The following FXYD5 variants were observed in gnomAD, a reference collection of about 807,000 sequenced individuals.
The protein encoded by FXYD5 is FXYD domain-containing ion transport regulator 5.
FXYD5 carries 21 observed loss-of-function variants against 25.7 expected under a neutral mutation model. The ratio of observed to expected loss-of-function variants is 0.82; its 90% CI spans 0.58 to 1.18. FXYD5 has a LOEUF of 1.18. Among genes scored for constraint, FXYD5 ranks in the 50% most tolerant of loss-of-function variants. FXYD5 has a pLI of 0.00. For missense variants in FXYD5, 229 were observed against 227.7 expected, an observed-to-expected ratio of 1.01 and a Z score of -0.04; for synonymous variants, 101 against 90.7, an observed-to-expected ratio of 1.11 and a Z score of -0.64.
chr19:35,155,541 G>A lies in FXYD5; in HGVS notation c.1-10G>A. 1 of 1,608,270 alleles carries A rather than the reference G, an allele frequency of 6.2e-7. No homozygotes were observed. The highest frequency in any genetic ancestry group is 8.5e-7 in the Non-Finnish European group (1 of 1,178,716). Reference sequence around the variant, plus strand: ...ATCATGGCTGACCCCAGCATCGCCTGGTCCCACAGATGTCGCCCTCTGGTC... The same window carrying A: ...ATCATGGCTGACCCCAGCATCGCCTAGTCCCACAGATGTCGCCCTCTGGTC... On this transcript the variant is annotated splice_polypyrimidine_tract_variant and intron_variant, in intron 1 of 8. Coordinates refer to ENST00000392219, the MANE Select transcript of FXYD5 (RefSeq NM_014164.6).
intron 6 of FXYD5, among the ~76,000 whole-genome samples, chr19:35,165,574 T>C (rs1184286375): frequency 7.2e-5 from 11 of 152,124 alleles, no homozygotes; most frequent in Non-Finnish European, 1.5e-4. Context: ...AAGGCCTTTA[T>C]GACCTGTATC....
chr19:35,166,113 C>A, intron 6 of FXYD5, 29 bp from the exon 7 acceptor site: 1 of 1,612,350 alleles, frequency 6.2e-7, no homozygotes, highest in East Asian at 2.2e-5. Context: ...TTTGCTGAAC[C>A]CTGACTTGCT....
rs7253276 is a variant in FXYD5 at position 35,169,445 on chromosome 19, T to A, written c.488-121T>A. The A allele has an allele frequency of 5.1e-3, 3,683 of 728,748 alleles. 88 individuals are homozygous for A. The African/African-American group carries it at 0.054, about 11-fold the overall frequency. 45.1% of individuals were successfully genotyped at this position (728,748 alleles called of 1,614,324 possible). Reference sequence around the variant, plus strand: ...GGTGTGTTTCTCCATCATTTGTTTATGGAGTTGCCTTTGAGTTTCCCGAGG... The same window carrying A: ...GGTGTGTTTCTCCATCATTTGTTTAAGGAGTTGCCTTTGAGTTTCCCGAGG... On this transcript the variant is annotated intron_variant, in intron 8 of 8. Transcript: ENST00000392219.
chr19:35,160,780 A>T lies in FXYD5; in HGVS notation c.271A>T (p.Thr91Ser). ...TGGGCCTCTAGTGACAGATCCAGAG[A>T]CACACAAGAGCACCAAAGCAGGTAT... Reference protein sequence around the residue: ...TDGPLVTDPETHKSTKAAHPT... With the variant: ...TDGPLVTDPESHKSTKAAHPT... Residue 91 changes from threonine to serine, a missense_variant, in exon 5 of 9, where the codon ACA becomes TCA. Coordinates refer to ENST00000392219, the MANE Select transcript of FXYD5 (RefSeq NM_014164.6). 1 of 1,612,444 alleles carries T rather than the reference A, an allele frequency of 6.2e-7. No homozygotes were observed. Among genetic ancestry groups the T allele is most frequent in the Non-Finnish European group, 8.5e-7 (1 of 1,178,466 alleles).
At chr19:35,155,669 C>A in intron 2 of FXYD5, 58 bp downstream of exon 2, 1 of 1,272,426 alleles carries the variant, frequency 7.9e-7, no homozygotes, top group Non-Finnish European at 1.1e-6. Flanking sequence ...GCCAGCCCCA[C>A]GTGTGCTGCG....
At chr19:35,156,005 T>C (rs771183979) in intron 2 of FXYD5, among the ~76,000 whole-genome samples, 13 of 152,052 alleles carry the variant, frequency 8.5e-5, no homozygotes, top group Admixed American at 4.6e-4. Context: ...GTCCAAAGAG[T>C]TGGCAACATC....
intron 5 of FXYD5, among the ~76,000 whole-genome samples, chr19:35,162,986 A>G: frequency 6.6e-6 from 1 of 152,172 alleles, no homozygotes; most frequent in Non-Finnish European, 1.5e-5. Flanking sequence ...GATGCTTGTG[A>G]TCATCCTGTG....
At chr19:35,166,699 C>G in intron 8 of FXYD5, 1 of 329,304 alleles carries the variant, frequency 3.0e-6, no homozygotes, top group Non-Finnish European at 5.5e-6. Context: ...TGGCAGGGAT[C>G]TAAGATAGAG....
At chr19:35,164,703 C>T (rs1416688209) in intron 6 of FXYD5, among the ~76,000 whole-genome samples, 1 of 152,150 alleles carries the variant, frequency 6.6e-6, no homozygotes, top group African/African-American at 2.4e-5. Flanking sequence ...GCCCATGGGT[C>T]ACATAGAGAG....
intron 4 of FXYD5, 139 bp from the exon 5 acceptor site, chr19:35,160,570 T>C (rs1354306741): frequency 3.1e-6 from 2 of 644,110 alleles, no homozygotes; most frequent in Non-Finnish European, 5.7e-6. Flanking sequence ...GGTCTCGAAC[T>C]CCCGACCTAA....
chr19:35,164,047 G>A, intron 5 of FXYD5, 109 bp from the exon 6 acceptor site: 1 of 1,575,126 alleles, frequency 6.3e-7, no homozygotes, highest in Non-Finnish European at 8.6e-7. Flanking sequence ...CACACCAGCT[G>A]TGTAGATGTG....
Position 35,169,703 on chromosome 19 carries a change from C to A in FXYD5, c.*88C>A. 1.2e-6 allele frequency: 1 copy of A among 834,544 alleles called. No homozygotes were observed. The highest frequency in any genetic ancestry group is 2.5e-5 in the East Asian group (1 of 39,986). The allele number at this position is 834,544 out of a possible 1,614,324, so 51.7% of individuals were successfully genotyped here. On this transcript the variant is annotated 3_prime_UTR_variant, in exon 9 of 9. Coordinates refer to ENST00000392219, the MANE Select transcript of FXYD5 (RefSeq NM_014164.6). ...CACCGTGCCCAGCCTCCTGCATCCC[C>A]TCGAAGAGCCTGGCCAGAGAGGGAA... is the stretch of plus-strand genomic sequence containing the variant.
intron 6 of FXYD5, 62 bp from the exon 7 acceptor site, chr19:35,166,080 T>A: frequency 6.6e-7 from 1 of 1,516,910 alleles, no homozygotes; most frequent in South Asian, 1.1e-5. Flanking sequence ...GACTTTGCCA[T>A]TCACGTATTC....
intron 8 of FXYD5, among the ~76,000 whole-genome samples, chr19:35,168,358 G>T (rs2065469026): frequency 6.6e-6 from 1 of 152,200 alleles, no homozygotes; most frequent in Admixed American, 6.5e-5. Flanking sequence ...ACAGGGAAGA[G>T]AGGGGTGGGG....
At chr19:35,160,676 A>G (rs1418702534) in intron 4 of FXYD5, 33 bp from the exon 5 acceptor site, 1 of 1,445,916 alleles carries the variant, frequency 6.9e-7, no homozygotes, top group South Asian at 1.1e-5. Flanking sequence ...ACTCTTTCTT[A>G]TCCTTCCCTC....
At chr19:35,163,428 A>T in intron 5 of FXYD5, among the ~76,000 whole-genome samples, 1 of 150,832 alleles carries the variant, frequency 6.6e-6, no homozygotes, top group African/African-American at 2.4e-5. Context: ...TTTCAAGAGA[A>T]GAATCCTTTG....
rs1317102612 is a variant in FXYD5, at chr19:35,158,380, C to A, written c.179C>A (p.Thr60Asn). The change falls in exon 4 of 9, where the codon ACC (threonine) becomes AAC (asparagine). Residue 60 changes from threonine (T) to asparagine (N), a missense_variant. Physicochemically the swap from Thr to Asn is moderately conservative, Grantham distance 65 (BLOSUM62 0). Coordinates refer to ENST00000392219, the MANE Select transcript of FXYD5 (RefSeq NM_014164.6). ...ACAGAACTCCAGCCCACCTCTCCAA[C>A]CCCAACCTGGCCTGCTGATGGTGAG... Reference protein sequence around the residue: ...VYTELQPTSPTPTWPADETPQ... With the variant: ...VYTELQPTSPNPTWPADETPQ... 1.2e-6 allele frequency: 2 copies of A among 1,603,826 alleles called. No homozygotes were observed. Among genetic ancestry groups the A allele is most frequent in the Non-Finnish European group, 1.7e-6 (2 of 1,170,766 alleles).
intron 8 of FXYD5, among the ~76,000 whole-genome samples, chr19:35,167,458 C>T (rs2065460678): frequency 6.6e-6 from 1 of 152,176 alleles, no homozygotes. Flanking sequence ...TCTCCTCCCA[C>T]CCCCCTGTCT....
chr19:35,169,559 C>A lies in FXYD5; in HGVS notation c.488-7C>A. The A allele has an allele frequency of 6.2e-7, 1 of 1,601,654 alleles. No individual in the cohort carries two copies. The highest frequency in any genetic ancestry group is 8.6e-7 in the Non-Finnish European group (1 of 1,168,540). On this transcript the variant is annotated splice_polypyrimidine_tract_variant and splice_region_variant and intron_variant, in intron 8 of 8. Coordinates refer to ENST00000392219, the MANE Select transcript of FXYD5 (RefSeq NM_014164.6). ...GCTCGTGACTGAATCATTTCCTTCA[C>A]CCACAGGTGGCAAGTGCAGGCAGCT...
Sources: gnomAD v4.1 joint callset for allele counts (sites outside exome capture counted in the v4.1 genomes callset) on GRCh38, gnomAD v4.1.1 for gene constraint, MANE v1.5 for transcripts, NCBI Gene and HGNC (gene_info 2026-07-23, HGNC 2026-07-21) for gene names.